FAM135B: variants seen among roughly 807,000 people sequenced by gnomAD.
The protein encoded by FAM135B is protein FAM135B.
In FAM135B, 43 loss-of-function variants were observed where a neutral mutation model predicts 127.7. That is an observed-to-expected ratio of 0.34 (90% CI 0.26 to 0.43). FAM135B has a LOEUF of 0.43. Ranked by LOEUF, FAM135B falls within the 20% of genes least tolerant of loss-of-function variation. FAM135B has a pLI of 1.00. For synonymous variants in FAM135B, 670 were observed against 665.1 expected, an observed-to-expected ratio of 1.01 and a Z score of -0.11; for missense variants, 1,558 against 1,725.6, an observed-to-expected ratio of 0.90 and a Z score of 1.72.
At chr8:138,223,092 T>C (rs902871005) in intron 7 of FAM135B, among the ~76,000 whole-genome samples, 1 of 152,210 alleles carries the variant, frequency 6.6e-6, no homozygotes, top group Non-Finnish European at 1.5e-5. Context: ...TCTCTACTTG[T>C]GTCACACAGG....
chr8:138,312,117 T>C (rs549448619), intron 2 of FAM135B, among the ~76,000 whole-genome samples: 1 of 152,062 alleles, frequency 6.6e-6, no homozygotes, highest in Non-Finnish European at 1.5e-5. Context: ...TGGCTAATTT[T>C]TGTATTTTTA....
intron 1 of FAM135B, among the ~76,000 whole-genome samples, chr8:138,431,901 C>G (rs2131508694): frequency 6.6e-6 from 1 of 152,286 alleles, no homozygotes; most frequent in East Asian, 1.9e-4. Flanking sequence ...AAAGGCCACT[C>G]CTAAGAATGC....
intron 9 of FAM135B, among the ~76,000 whole-genome samples, chr8:138,188,139 GC>G (rs1269783865): frequency 1.3e-4 from 20 of 152,314 alleles, no homozygotes; most frequent in Middle Eastern, 3.4e-3. Context: ...TGCAAACCTC[GC>G]CCTGTGGAAC....
chr8:138,245,926 G>C (rs1317828490), intron 6 of FAM135B, among the ~76,000 whole-genome samples: 1 of 152,166 alleles, frequency 6.6e-6, no homozygotes, highest in Non-Finnish European at 1.5e-5. Context: ...TAGTGATATG[G>C]GCAATGAAGT....
At chr8:138,163,666 C>T (rs555288626) in intron 12 of FAM135B, among the ~76,000 whole-genome samples, 22 of 152,230 alleles carry the variant, frequency 1.4e-4, no homozygotes, top group Admixed American at 2.6e-4. Flanking sequence ...GTGATGCCTC[C>T]CTAGCCACGT....
At position 138,380,766 on chromosome 8, in the gene FAM135B, A is replaced by G. The variant is rs146938826; in HGVS notation, c.-19-12764T>C. Among the ~76,000 whole-genome samples the G allele has an allele frequency of 2.6e-5, 4 of 152,132 alleles. No homozygotes were observed. The East Asian group carries it at 7.8e-4, about 29-fold the overall frequency. On this transcript the variant is annotated intron_variant, in intron 1 of 19. Transcript: ENST00000395297. The stretch of plus-strand genomic sequence containing the variant: ...AGAGGTTGGAAAAAAAAAGTAACAA[A>G]CAACAAAATCTAACTTTAGATCTTC...
At chr8:138,339,928 C>G (rs1828925479) in intron 2 of FAM135B, among the ~76,000 whole-genome samples, 1 of 152,118 alleles carries the variant, frequency 6.6e-6, no homozygotes, top group African/African-American at 2.4e-5. Flanking sequence ...ATCCCCACCC[C>G]CATCCGGTCC....
chr8:138,321,616 C>G (rs941766808), intron 2 of FAM135B, among the ~76,000 whole-genome samples: 1 of 151,962 alleles, frequency 6.6e-6, no homozygotes. Flanking sequence ...TCAAGGTCCT[C>G]AGGTATAAAT....
chr8:138,221,904 C>T (rs551936886), intron 7 of FAM135B, among the ~76,000 whole-genome samples: 6 of 152,264 alleles, frequency 3.9e-5, no homozygotes, highest in African/African-American at 1.4e-4. Flanking sequence ...AAATATAAAA[C>T]CACAATGCCT....
At chr8:138,412,242 C>G (rs1011307906) in intron 1 of FAM135B, among the ~76,000 whole-genome samples, 1 of 152,022 alleles carries the variant, frequency 6.6e-6, no homozygotes, top group South Asian at 2.1e-4. Flanking sequence ...TTTAAAGAAA[C>G]AAAAGAAAAA....
At chr8:138,170,257 T>G (rs929506487) in intron 11 of FAM135B, among the ~76,000 whole-genome samples, 1 of 149,740 alleles carries the variant, frequency 6.7e-6, no homozygotes, top group African/African-American at 2.5e-5. Flanking sequence ...AGTTTCGCTC[T>G]TGTTGCCCAG....
At chr8:138,225,369 A>G (rs1819332828) in intron 7 of FAM135B, among the ~76,000 whole-genome samples, 1 of 152,102 alleles carries the variant, frequency 6.6e-6, no homozygotes, top group African/African-American at 2.4e-5. Flanking sequence ...CCCTCACCAG[A>G]CACTGGGCTT....
chr8:138,274,560 C>T (rs1045207841), intron 3 of FAM135B, among the ~76,000 whole-genome samples: 8 of 152,228 alleles, frequency 5.3e-5, no homozygotes, highest in Admixed American at 4.6e-4. Context: ...GGTTTTGAGA[C>T]CAACCGGTCT....
rs2130563814 is a variant in FAM135B, at chr8:138,139,011, G to A, written c.3876C>T (p.Phe1292=). 2 of 1,613,474 alleles carry A rather than the reference G, an allele frequency of 1.2e-6. No homozygotes were observed. The highest frequency in any genetic ancestry group is 1.7e-6 in the Non-Finnish European group (2 of 1,179,420). Residue 1292 remains phenylalanine (F), a synonymous_variant, in exon 18 of 20, where the codon TTC becomes TTT. Coordinates refer to ENST00000395297, the MANE Select transcript of FAM135B (RefSeq NM_015912.4). ...FRDNADLRKC[F]LYQLSQKTGL... is the part of the protein sequence containing the mutation. ...CTGTTTTTTGGCTTAGTTGGTAGAG[G>A]AAACATTTGCGCAAATCAGCATTAT...
intron 2 of FAM135B, among the ~76,000 whole-genome samples, chr8:138,346,745 T>C (rs912298438): frequency 1.3e-5 from 2 of 152,122 alleles, no homozygotes; most frequent in Non-Finnish European, 2.9e-5. Flanking sequence ...GATGGGTTGA[T>C]CTGTGCAGTA....
chr8:138,462,077 T>C (rs1023734593), intron 1 of FAM135B, among the ~76,000 whole-genome samples: 1 of 151,630 alleles, frequency 6.6e-6, no homozygotes, highest in Non-Finnish European at 1.5e-5. Flanking sequence ...TGATGATAAA[T>C]CCATCAATGT....
intron 7 of FAM135B, among the ~76,000 whole-genome samples, chr8:138,220,810 T>C (rs1460467395): frequency 6.6e-6 from 1 of 152,146 alleles, no homozygotes; most frequent in East Asian, 1.9e-4. Context: ...AACAACTAAC[T>C]GCACATATAT....
chr8:138,232,979 C>T (rs1820013592), intron 7 of FAM135B, among the ~76,000 whole-genome samples: 1 of 152,132 alleles, frequency 6.6e-6, no homozygotes, highest in African/African-American at 2.4e-5. Context: ...CACTATTATA[C>T]TATCTTTTTC....
intron 1 of FAM135B, among the ~76,000 whole-genome samples, chr8:138,468,874 G>A (rs1011458359): frequency 3.9e-5 from 6 of 152,014 alleles, no homozygotes; most frequent in Non-Finnish European, 5.9e-5. Flanking sequence ...GTGAAACCCC[G>A]CCTCTACTAG....
Sources: gnomAD v4.1 joint callset for allele counts (sites outside exome capture counted in the v4.1 genomes callset) on GRCh38, gnomAD v4.1.1 for gene constraint, MANE v1.5 for transcripts, NCBI Gene and HGNC (gene_info 2026-07-23, HGNC 2026-07-21) for gene names.